LMO7: variants seen among roughly 807,000 people sequenced by gnomAD.
The protein encoded by LMO7 is LIM domain 7.
Under a neutral mutation model 206.5 loss-of-function variants are expected in LMO7, and 120 were observed. The observed-to-expected ratio is 0.58, with a 90% CI of 0.50 to 0.68. The LOEUF is 0.68. Among genes scored for constraint, LMO7 ranks in the 30% least tolerant of loss-of-function variants. The probability of loss-of-function intolerance (pLI) is 0.00; values close to 1 mark genes in which losing one functional copy is unlikely to be tolerated. For synonymous variants in LMO7, 706 were observed against 681.5 expected, an observed-to-expected ratio of 1.04 and a Z score of -0.56; for missense variants, 1,959 against 1,957.9, an observed-to-expected ratio of 1.00 and a Z score of -0.01.
intron 2 of LMO7, chr13:75,628,466 C>T (rs1386860887): frequency 1.3e-5 from 2 of 152,176 alleles, no homozygotes; most frequent in Admixed American, 1.3e-4. Context: ...GACAACATCA[C>T]ATCTTTTTAT....
chr13:75,729,068 C>A (rs1187171501), intron 3 of LMO7, among the ~76,000 whole-genome samples: 1 of 151,972 alleles, frequency 6.6e-6, no homozygotes, highest in Non-Finnish European at 1.5e-5. Context: ...CGTGATGCCT[C>A]CAGCTTTGTT....
intron 1 of LMO7, among the ~76,000 whole-genome samples, chr13:75,676,058 T>C (rs2039990462): frequency 6.6e-6 from 1 of 152,236 alleles, no homozygotes; most frequent in Admixed American, 6.5e-5. Flanking sequence ...GTATTTAGGA[T>C]GTTAGATGTA....
chr13:75,846,979 C>A (rs536014389), intron 26 of LMO7, among the ~76,000 whole-genome samples: 1 of 148,732 alleles, frequency 6.7e-6, no homozygotes, highest in Non-Finnish European at 1.5e-5. Context: ...TGCAGTGAGC[C>A]GAGATCGCTC....
At chr13:75,688,093 T>A (rs938456115) in intron 1 of LMO7, among the ~76,000 whole-genome samples, 4 of 152,192 alleles carry the variant, frequency 2.6e-5, no homozygotes, top group Admixed American at 1.3e-4. Context: ...CCACCATGAT[T>A]GTGAGGCCTC....
chr13:75,633,805 ATGTT>A (rs2035321429), upstream of LMO7, among the ~76,000 whole-genome samples: 1 of 133,676 alleles, frequency 7.5e-6, no homozygotes, highest in African/African-American at 2.8e-5. Flanking sequence ...AAATAGCATT[ATGTT>A]TATTTATGTT....
intron 1 of LMO7, among the ~76,000 whole-genome samples, chr13:75,683,903 ATTGGGGAGACCAAGGT>A (rs994500667): frequency 6.6e-6 from 1 of 152,174 alleles, no homozygotes; most frequent in Non-Finnish European, 1.5e-5. Flanking sequence ...ATGATAAGGG[ATTGGGGAGACCAAGGT>A]TTTATGCAGA....
chr13:75,799,277 A>T (rs658746), intron 6 of LMO7, among the ~76,000 whole-genome samples: 92,257 of 152,084 alleles, frequency 0.61, 29,071 homozygotes, highest in East Asian at 0.92. Context: ...CTTTTTCATA[A>T]GTTGAAAATA....
chr13:75,746,602 C>T (rs2046861384), intron 3 of LMO7, among the ~76,000 whole-genome samples: 2 of 152,144 alleles, frequency 1.3e-5, no homozygotes, highest in South Asian at 4.1e-4. Flanking sequence ...ATGGATCTGC[C>T]AACAATGGGC....
chr13:75,713,313 A>G (rs1488469849), intron 2 of LMO7, 61 bp downstream of exon 2: 1 of 1,259,590 alleles, frequency 7.9e-7, no homozygotes, highest in African/African-American at 1.5e-5. Context: ...TGTGTGAGTG[A>G]TGAGGTGTTT....
At chr13:75,852,431 C>G (rs1251781758) in intron 27 of LMO7, among the ~76,000 whole-genome samples, 1 of 152,104 alleles carries the variant, frequency 6.6e-6, no homozygotes, top group Non-Finnish European at 1.5e-5. Context: ...CACCAAACCA[C>G]CATGACATTC....
At chr13:75,751,643 C>T (rs953888030) in intron 3 of LMO7, among the ~76,000 whole-genome samples, 6 of 152,154 alleles carry the variant, frequency 3.9e-5, no homozygotes, top group African/African-American at 1.2e-4. Flanking sequence ...AGAACAACTT[C>T]ACTCATTTTC....
At chr13:75,769,817 C>G (rs765814576) in intron 4 of LMO7, among the ~76,000 whole-genome samples, 1 of 152,090 alleles carries the variant, frequency 6.6e-6, no homozygotes, top group Non-Finnish European at 1.5e-5. Flanking sequence ...TTCACTGTTT[C>G]ATTACATTAT....
intron 1 of LMO7, among the ~76,000 whole-genome samples, chr13:75,682,484 G>A (rs1049888830): frequency 1.1e-4 from 17 of 152,188 alleles, no homozygotes; most frequent in Non-Finnish European, 1.9e-4. Flanking sequence ...ACCCAGGATG[G>A]GTAGTTTGAA....
At chr13:75,823,984 T>A (rs1251329308) in intron 15 of LMO7, 111 bp downstream of exon 15, 2 of 826,662 alleles carry the variant, frequency 2.4e-6, no homozygotes, top group Non-Finnish European at 3.8e-6. Flanking sequence ...GCTGAAAATG[T>A]GCAAAATGAT....
intron 10 of LMO7, among the ~76,000 whole-genome samples, chr13:75,808,582 G>T (rs896270806): frequency 6.6e-6 from 1 of 151,956 alleles, no homozygotes; most frequent in Non-Finnish European, 1.5e-5. Context: ...TGATTTTTTT[G>T]GGGGGGTGAA....
intron 3 of LMO7, among the ~76,000 whole-genome samples, chr13:75,736,077 A>G (rs967987816): frequency 2.6e-5 from 4 of 152,192 alleles, no homozygotes; most frequent in Non-Finnish European, 5.9e-5. Context: ...TGATCGTATG[A>G]TTATATGAAA....
At chr13:75,846,501 C>T (rs1228038777) in intron 26 of LMO7, among the ~76,000 whole-genome samples, 1 of 152,186 alleles carries the variant, frequency 6.6e-6, no homozygotes, top group African/African-American at 2.4e-5. Context: ...CCTGAACTTG[C>T]CTTTAGCCAC....
chr13:75,676,503 C>T (rs762798013), intron 1 of LMO7, among the ~76,000 whole-genome samples: 49 of 152,250 alleles, frequency 3.2e-4, no homozygotes, highest in African/African-American at 7.9e-4. Context: ...AATGTAACAC[C>T]GGGGTGGAGA....
At chr13:75,803,879 C>A (rs2055099593) in intron 7 of LMO7, among the ~76,000 whole-genome samples, 1 of 151,930 alleles carries the variant, frequency 6.6e-6, no homozygotes, top group African/African-American at 2.4e-5. Context: ...TTATAGATAG[C>A]TGCATGCCTT....
Sources: allele counts gnomAD v4.1 joint callset (sites outside exome capture counted in the v4.1 genomes callset), GRCh38; gene constraint gnomAD v4.1.1; transcripts MANE v1.5; gene names NCBI Gene and HGNC (gene_info 2026-07-23, HGNC 2026-07-21).